The following CCDC171 variants were observed in gnomAD, a reference collection of about 807,000 sequenced individuals.
CCDC171 encodes coiled-coil domain-containing protein 171.
Under a neutral mutation model 168.2 loss-of-function variants are expected in CCDC171, and 177 were observed. The ratio of observed to expected loss-of-function variants is 1.05; its 90% CI spans 0.93 to 1.19. The LOEUF (loss-of-function observed/expected upper bound fraction) is 1.19, where lower values mean the gene tolerates loss of function less well. Ranked by LOEUF, CCDC171 falls within the 50% of genes most tolerant of loss-of-function variation. The pLI, the probability that CCDC171 is intolerant of heterozygous loss-of-function variation, is 0.00. For missense variants in CCDC171, 1,991 were observed against 1,539.0 expected (o/e 1.29, Z -4.91); for synonymous variants, 687 against 540.8 (o/e 1.27, Z -3.75).
intron 23 of CCDC171, among the ~76,000 whole-genome samples, chr9:15,850,465 T>C (rs1012626837): frequency 6.6e-6 from 1 of 152,044 alleles, no homozygotes; most frequent in Non-Finnish European, 1.5e-5. Flanking sequence ...GAAAGCTGTC[T>C]GTAAATCTGG....
At chr9:15,968,537 C>CTT (rs35265243) in intron 25 of CCDC171, among the ~76,000 whole-genome samples, 4 of 88,810 alleles carry the variant, frequency 4.5e-5, no homozygotes, top group Non-Finnish European at 6.7e-5. Context: ...TTGTTGCTGG[C>CTT]TTTTTTTTTT....
chr9:15,587,483 A>T, intron 4 of CCDC171: 1 of 364,524 alleles, frequency 2.7e-6, no homozygotes, highest in South Asian at 2.1e-5. Context: ...TTCCCCAGCC[A>T]TGTGAAACTG....
In CCDC171 at chr9:15,721,805, C is replaced by G. The variant is rs2053498270; in HGVS notation, c.1355C>G (p.Ser452Cys). The G allele has an allele frequency of 1.9e-6, 3 of 1,564,620 alleles. No homozygotes were observed. Among genetic ancestry groups the G allele is most frequent in the Non-Finnish European group, 2.6e-6 (3 of 1,154,806 alleles). Residue 452 changes from serine to cysteine, a missense_variant, in exon 12 of 26, where the codon TCT becomes TGT. Transcript: ENST00000380701. The stretch of plus-strand genomic sequence containing the variant: ...GACAAAGATAAACCTCCCAGCTTCT[C>G]TGTTGTCCTTGAGAGATTGAGGCGT... ...HKDKDKPPSF[S>C]VVLERLRRTL...
At chr9:15,960,239 G>A (rs1014968180) in intron 25 of CCDC171, among the ~76,000 whole-genome samples, 2 of 152,142 alleles carry the variant, frequency 1.3e-5, no homozygotes, top group African/African-American at 2.4e-5. Context: ...AAGAAGAACT[G>A]GATCAGGATG....
intron 7 of CCDC171, among the ~76,000 whole-genome samples, chr9:15,647,767 A>C (rs2047167460): frequency 6.6e-6 from 1 of 152,140 alleles, no homozygotes; most frequent in Non-Finnish European, 1.5e-5. Flanking sequence ...AGCCTAACCA[A>C]CCAAAAAAAG....
At chr9:15,580,866 G>A (rs902266529) in intron 4 of CCDC171, among the ~76,000 whole-genome samples, 4 of 151,968 alleles carry the variant, frequency 2.6e-5, no homozygotes, top group African/African-American at 9.7e-5. Flanking sequence ...TTTGAAAACC[G>A]GCACAAGACA....
At chr9:15,980,093 T>G (rs1589292809) in intron 3 of CCDC171, among the ~76,000 whole-genome samples, 1 of 152,278 alleles carries the variant, frequency 6.6e-6, no homozygotes, top group East Asian at 1.9e-4. Context: ...AATTCTATCA[T>G]AGAGAGTAAA....
At chr9:15,718,096 G>A (rs1797256969) in intron 11 of CCDC171, among the ~76,000 whole-genome samples, 1 of 152,122 alleles carries the variant, frequency 6.6e-6, no homozygotes, top group South Asian at 2.1e-4. Flanking sequence ...GGCCAAAGGG[G>A]AGTCTGCTGC....
At chr9:15,558,805 G>T (rs2039025352) in intron 1 of CCDC171, among the ~76,000 whole-genome samples, 1 of 152,048 alleles carries the variant, frequency 6.6e-6, no homozygotes, top group African/African-American at 2.4e-5. Context: ...TGCTTCTCTA[G>T]TTCTTTTAAT....
intron 10 of CCDC171, among the ~76,000 whole-genome samples, chr9:15,682,000 T>C (rs948987901): frequency 7.9e-5 from 12 of 152,046 alleles, no homozygotes; most frequent in African/African-American, 2.9e-4. Context: ...TACTAACAGG[T>C]AATTTTTCTT....
chr9:15,771,309 G>A (rs2057000471), intron 18 of CCDC171, among the ~76,000 whole-genome samples: 1 of 152,152 alleles, frequency 6.6e-6, no homozygotes, highest in African/African-American at 2.4e-5. Flanking sequence ...TTCATGAACA[G>A]TGTTGACCGT....
At chr9:15,914,547 G>A (rs1031838573) in intron 24 of CCDC171, among the ~76,000 whole-genome samples, 1 of 152,168 alleles carries the variant, frequency 6.6e-6, no homozygotes, top group Non-Finnish European at 1.5e-5. Context: ...TGCTGGCAGC[G>A]AGAATTTCAA....
intron 24 of CCDC171, chr9:15,889,068 C>G (rs886819887): frequency 6.7e-6 from 1 of 148,722 alleles, no homozygotes; most frequent in African/African-American, 2.5e-5. Context: ...AAGCGACTCT[C>G]CTGCCTCAGC....
chr9:15,794,592 T>C (rs1393157585), intron 21 of CCDC171, among the ~76,000 whole-genome samples: 3 of 152,186 alleles, frequency 2.0e-5, no homozygotes, highest in Non-Finnish European at 4.4e-5. Flanking sequence ...TCTTGAATTA[T>C]ATCAGGTAAT....
At chr9:15,993,364 A>G (rs1183482382) in intron 3 of CCDC171, among the ~76,000 whole-genome samples, 4 of 152,338 alleles carry the variant, frequency 2.6e-5, no homozygotes, top group South Asian at 4.1e-4. Flanking sequence ...CTATTAATAA[A>G]TGGTGCTGGG....
chr9:15,629,891 A>C (rs13297218), intron 7 of CCDC171, among the ~76,000 whole-genome samples: 1 of 152,142 alleles, frequency 6.6e-6, no homozygotes, highest in Admixed American at 6.6e-5. Context: ...TTAAAGAAAA[A>C]AATTTTCAAC....
intron 24 of CCDC171, among the ~76,000 whole-genome samples, chr9:15,909,373 A>T (rs1420553585): frequency 6.7e-6 from 1 of 148,606 alleles, no homozygotes; most frequent in Non-Finnish European, 1.5e-5. Context: ...CATTTTTAGC[A>T]GCTTTTATGC....
chr9:15,826,467 A>AT (rs1329083981), intron 21 of CCDC171, among the ~76,000 whole-genome samples: 1 of 152,134 alleles, frequency 6.6e-6, no homozygotes, highest in African/African-American at 2.4e-5. Flanking sequence ...TTGAAATTGA[A>AT]TGGGCCTTTG....
At chr9:15,636,744 T>A (rs2046227998) in intron 7 of CCDC171, among the ~76,000 whole-genome samples, 1 of 88,504 alleles carries the variant, frequency 1.1e-5, no homozygotes, top group Non-Finnish European at 2.1e-5. Flanking sequence ...AGTGAGACCC[T>A]GCCTCAAAAA....
Sources: gnomAD v4.1 joint callset for allele counts (sites outside exome capture counted in the v4.1 genomes callset) on GRCh38, gnomAD v4.1.1 for gene constraint, MANE v1.5 for transcripts, NCBI Gene and HGNC (gene_info 2026-07-23, HGNC 2026-07-21) for gene names.